The following RAP1GAP2 variants were observed in gnomAD, a reference collection of about 807,000 sequenced individuals.
The protein encoded by RAP1GAP2 is rap1 GTPase-activating protein 2.
In RAP1GAP2, 27 loss-of-function variants were observed where a neutral mutation model predicts 95.0. The observed-to-expected ratio is 0.28, with a 90% CI of 0.21 to 0.39. The LOEUF is 0.39. Ranked by LOEUF, RAP1GAP2 falls within the 10% of genes least tolerant of loss-of-function variation. The probability of loss-of-function intolerance (pLI) is 1.00; values close to 1 mark genes in which losing one functional copy is unlikely to be tolerated. For missense variants in RAP1GAP2, 771 were observed against 970.0 expected (o/e 0.79, Z 2.72); for synonymous variants, 373 against 380.9 (o/e 0.98, Z 0.24).
At chr17:2,779,461 AG>A (rs1486927967) in intron 1 of RAP1GAP2, among the ~76,000 whole-genome samples, 1 of 152,196 alleles carries the variant, frequency 6.6e-6, no homozygotes, top group Non-Finnish European at 1.5e-5. Flanking sequence ...CCTGGGGCTC[AG>A]GGGCCAGACT....
intron 2 of RAP1GAP2, among the ~76,000 whole-genome samples, chr17:2,865,812 C>T (rs2072592240): frequency 1.3e-5 from 2 of 152,170 alleles, no homozygotes; most frequent in Non-Finnish European, 1.5e-5. Context: ...CTCTGACCCC[C>T]AGCCCCCTTC....
intron 2 of RAP1GAP2, among the ~76,000 whole-genome samples, chr17:2,891,172 G>T (rs1419832404): frequency 6.6e-6 from 1 of 150,660 alleles, no homozygotes; most frequent in Non-Finnish European, 1.5e-5. Flanking sequence ...TTTTGAGACA[G>T]GGTCTCACTC....
chr17:2,858,537 C>T (rs2072241579), intron 2 of RAP1GAP2, among the ~76,000 whole-genome samples: 1 of 152,116 alleles, frequency 6.6e-6, no homozygotes, highest in Non-Finnish European at 1.5e-5. Context: ...TGCACTCCTC[C>T]ACAAGATTAT....
chr17:2,786,946 C>CTTTTTTTTT (rs67990731), intron 1 of RAP1GAP2, among the ~76,000 whole-genome samples: 7 of 58,270 alleles, frequency 1.2e-4, no homozygotes, highest in East Asian at 4.8e-4. Context: ...CGCTCCCAGC[C>CTTTTTTTTT]TTTTTTTTTT....
chr17:2,788,866 A>C (rs992733957), intron 1 of RAP1GAP2, among the ~76,000 whole-genome samples: 1 of 152,096 alleles, frequency 6.6e-6, no homozygotes, highest in Non-Finnish European at 1.5e-5. Flanking sequence ...CATCTTCTTT[A>C]CTTAGTCTAC....
intron 1 of RAP1GAP2, chr17:2,755,822 G>A: frequency 2.9e-6 from 1 of 348,324 alleles, no homozygotes; most frequent in Non-Finnish European, 5.2e-6. Context: ...CCCGAGGCCC[G>A]GCCGGCGCGG....
At chr17:2,999,491 G>A (rs1377215138) in intron 14 of RAP1GAP2, among the ~76,000 whole-genome samples, 1 of 152,218 alleles carries the variant, frequency 6.6e-6, no homozygotes, top group Admixed American at 6.5e-5. Flanking sequence ...GAGGAAAGAT[G>A]AGCCTGTGAT....
chr17:2,813,988 A>G (rs1032691552), intron 2 of RAP1GAP2, among the ~76,000 whole-genome samples: 1 of 152,030 alleles, frequency 6.6e-6, no homozygotes, highest in Admixed American at 6.6e-5. Context: ...GAAAAGAAAA[A>G]AAGAAAATGT....
At chr17:2,988,327 A>G (rs1228621819) in intron 11 of RAP1GAP2, among the ~76,000 whole-genome samples, 2 of 152,244 alleles carry the variant, frequency 1.3e-5, no homozygotes, top group Non-Finnish European at 2.9e-5. Context: ...CCGCAAAGTA[A>G]TGTCTGACAA....
intron 1 of RAP1GAP2, among the ~76,000 whole-genome samples, chr17:2,789,630 A>ACATTAGC (rs2068873946): frequency 8.0e-6 from 1 of 124,588 alleles, no homozygotes; most frequent in African/African-American, 3.1e-5. Context: ...AAAAAAAAAA[A>ACATTAGC]CATTAGCCAG....
At position 2,956,567 on chromosome 17, in the gene RAP1GAP2, G is replaced by A. The variant is rs145070576; in HGVS notation, c.166-1192G>A. Among the ~76,000 whole-genome samples the A allele has an allele frequency of 3.7e-4, 56 of 152,310 alleles. No individual in the cohort carries two copies. The East Asian group carries it at 8.5e-3, about 23-fold the overall frequency. On this transcript the variant is annotated intron_variant, in intron 3 of 24. Transcript: ENST00000254695. ...CCTCATCCCTGCTTTCTTTTCTCTCGTCTTCACTGGGGACTGTCTGTTCTG... is the reference window on the plus strand; with the variant it reads ...CCTCATCCCTGCTTTCTTTTCTCTCATCTTCACTGGGGACTGTCTGTTCTG...
intron 2 of RAP1GAP2, among the ~76,000 whole-genome samples, chr17:2,826,546 C>A (rs555880059): frequency 5.2e-4 from 79 of 151,888 alleles, no homozygotes; most frequent in Non-Finnish European, 9.3e-4. Flanking sequence ...GGGAAGGCGG[C>A]CTTGGGAGCT....
chr17:2,896,560 C>T (rs771721838), intron 2 of RAP1GAP2, among the ~76,000 whole-genome samples: 1 of 152,210 alleles, frequency 6.6e-6, no homozygotes, highest in Non-Finnish European at 1.5e-5. Flanking sequence ...GTTCTAAAAG[C>T]TGCTTGTGCG....
intron 1 of RAP1GAP2, among the ~76,000 whole-genome samples, chr17:2,786,711 C>G (rs1227315006): frequency 6.6e-6 from 1 of 150,940 alleles, no homozygotes; most frequent in Non-Finnish European, 1.5e-5. Context: ...GTGGCGTGGT[C>G]TCGGGCTCAC....
At chr17:2,950,061 C>CTTCTTTT (rs1555575129) in intron 3 of RAP1GAP2, among the ~76,000 whole-genome samples, 2 of 141,296 alleles carry the variant, frequency 1.4e-5, no homozygotes, top group African/African-American at 5.4e-5. Context: ...TCTTCTTCTT[C>CTTCTTTT]TTTTTTTTTT....
At chr17:2,947,158 T>G (rs931654813) in intron 3 of RAP1GAP2, among the ~76,000 whole-genome samples, 3 of 151,134 alleles carry the variant, frequency 2.0e-5, no homozygotes, top group African/African-American at 7.3e-5. Flanking sequence ...CATAGTGAAA[T>G]GGCACCTCTG....
intron 2 of RAP1GAP2, among the ~76,000 whole-genome samples, chr17:2,816,048 G>A (rs537417609): frequency 3.3e-5 from 5 of 152,168 alleles, no homozygotes; most frequent in African/African-American, 9.6e-5. Flanking sequence ...CTTATTCCTT[G>A]AGTTAGCAGC....
rs749038613 is a variant in RAP1GAP2, at chr17:2,796,494, C to A, written c.-34C>A. Reference sequence around the variant, plus strand: ...GACAGCCCCGGGGACGTCGTTGGGACATCGCTGGGACCCCGGGCTCTGCAG... The same window carrying A: ...GACAGCCCCGGGGACGTCGTTGGGAAATCGCTGGGACCCCGGGCTCTGCAG... On this transcript the variant is annotated 5_prime_UTR_variant, in exon 1 of 25. Transcript: ENST00000254695. The surrounding 1 kb of genome is among the most constrained non-coding windows in gnomAD (Gnocchi z 4.7). 1.3e-6 allele frequency: 2 copies of A among 1,552,510 alleles called. No individual in the cohort carries two copies. The highest frequency in any genetic ancestry group is 2.7e-5 in the African/African-American group (2 of 73,166).
intron 3 of RAP1GAP2, among the ~76,000 whole-genome samples, chr17:2,952,428 T>C (rs2043954797): frequency 6.6e-6 from 1 of 152,196 alleles, no homozygotes; most frequent in Non-Finnish European, 1.5e-5. Flanking sequence ...CTTGTACATG[T>C]GTTCTTGTGG....
Sources: gnomAD v4.1 joint callset for allele counts (sites outside exome capture counted in the v4.1 genomes callset) on GRCh38, gnomAD v4.1.1 for gene constraint, Gnocchi (gnomAD v3.1) non-coding constraint, MANE v1.5 for transcripts, NCBI Gene and HGNC (gene_info 2026-07-23, HGNC 2026-07-21) for gene names.